The following DPP6 variants were observed in gnomAD, a reference collection of about 807,000 sequenced individuals.
DPP6 encodes A-type potassium channel modulatory protein DPP6.
A neutral mutation model predicts 122.6 loss-of-function variants in DPP6; 69 were observed. The ratio of observed to expected loss-of-function variants is 0.56; its 90% CI spans 0.46 to 0.69. DPP6 has a LOEUF of 0.69. Among genes scored for constraint, DPP6 ranks in the 30% least tolerant of loss-of-function variants. The probability of loss-of-function intolerance (pLI) is 0.00; values close to 1 mark genes in which losing one functional copy is unlikely to be tolerated. For synonymous variants in DPP6, 418 were observed against 433.1 expected (o/e 0.97, Z 0.43); for missense variants, 928 against 1,116.9 (o/e 0.83, Z 2.41).
At chr7:154,088,609 CA>C (rs774044191) in intron 1 of DPP6, among the ~76,000 whole-genome samples, 3 of 148,016 alleles carry the variant, frequency 2.0e-5, no homozygotes, top group Non-Finnish European at 3.0e-5. Context: ...AGCAGATGTG[CA>C]AAGGTCTTAC....
chr7:154,015,049 T>C (rs1055795695), intron 1 of DPP6, among the ~76,000 whole-genome samples: 9 of 152,210 alleles, frequency 5.9e-5, no homozygotes, highest in Admixed American at 1.3e-4. Context: ...ACGTACTTGC[T>C]TTAATGAAAT....
chr7:154,702,137 A>G (rs1215122303), intron 7 of DPP6, among the ~76,000 whole-genome samples: 2 of 152,372 alleles, frequency 1.3e-5, no homozygotes, highest in Middle Eastern at 3.4e-3. Flanking sequence ...TTTGGGAGCC[A>G]CTAACTGTGC....
chr7:153,910,234 C>CTTTTTTCTTTTTT (rs750065238), intron 1 of DPP6, among the ~76,000 whole-genome samples: 1 of 137,752 alleles, frequency 7.3e-6, no homozygotes, highest in Admixed American at 7.5e-5. Context: ...TTCTTTCTTT[C>CTTTTTTCTTTTTT]TTTTTTTTTT....
At chr7:154,400,536 T>C (rs546675507) in intron 1 of DPP6, among the ~76,000 whole-genome samples, 14 of 152,328 alleles carry the variant, frequency 9.2e-5, no homozygotes, top group Admixed American at 8.5e-4. Flanking sequence ...GATGCCATGA[T>C]TGACTATGTT....
At chr7:154,726,527 C>G (rs1441648085) in intron 7 of DPP6, among the ~76,000 whole-genome samples, 2 of 152,182 alleles carry the variant, frequency 1.3e-5, no homozygotes, top group Non-Finnish European at 2.9e-5. Context: ...ATGCAGGGCA[C>G]CAAGGCTGCA....
At chr7:154,517,756 T>C (rs1028484624) in intron 3 of DPP6, among the ~76,000 whole-genome samples, 1 of 152,086 alleles carries the variant, frequency 6.6e-6, no homozygotes, top group African/African-American at 2.4e-5. Flanking sequence ...ATGACAGCGG[T>C]GTTGTGTCCG....
chr7:154,646,048 A>G (rs1290721031), intron 6 of DPP6, among the ~76,000 whole-genome samples: 5 of 151,134 alleles, frequency 3.3e-5, no homozygotes, highest in Admixed American at 2.6e-4. Flanking sequence ...AAAAAAAAGA[A>G]AATACTGAGG....
upstream of DPP6, among the ~76,000 whole-genome samples, chr7:153,886,132 C>G (rs1227486510): frequency 6.6e-6 from 1 of 151,228 alleles, no homozygotes; most frequent in Non-Finnish European, 1.5e-5. Context: ...CACACACACA[C>G]ACACACACAC....
At chr7:154,643,893 T>C (rs1030639332) in intron 6 of DPP6, among the ~76,000 whole-genome samples, 1 of 152,200 alleles carries the variant, frequency 6.6e-6, no homozygotes, top group Non-Finnish European at 1.5e-5. Context: ...TACTTTTTAA[T>C]AGATGACAGG....
At chr7:154,471,811 C>T (rs1332600154) in intron 2 of DPP6, among the ~76,000 whole-genome samples, 11 of 152,208 alleles carry the variant, frequency 7.2e-5, no homozygotes, top group Non-Finnish European at 1.5e-4. Context: ...TTTGAAATAA[C>T]TATCACTATG....
At chr7:154,036,453 TG>T (rs1247828547) in intron 1 of DPP6, among the ~76,000 whole-genome samples, 1 of 147,518 alleles carries the variant, frequency 6.8e-6, no homozygotes. Context: ...TGGAAGAAAC[TG>T]AGCTTCAAAT....
At chr7:153,833,686 G>A in the DPP6 span, among the ~76,000 whole-genome samples, 1 of 150,862 alleles carries the variant, frequency 6.6e-6, no homozygotes, top group Non-Finnish European at 1.5e-5. Context: ...AAAAAAAAAA[G>A]GTGGGGGTGT....
At chr7:153,917,725 G>A in intron 1 of DPP6, among the ~76,000 whole-genome samples, 1 of 152,216 alleles carries the variant, frequency 6.6e-6, no homozygotes, top group Admixed American at 6.5e-5. Flanking sequence ...AGTGTGACAT[G>A]CGAAGGGTGG....
intron 1 of DPP6, among the ~76,000 whole-genome samples, chr7:154,389,720 A>T (rs1442199520): frequency 8.0e-5 from 3 of 37,628 alleles, no homozygotes; most frequent in East Asian, 1.3e-3. Flanking sequence ...GCATTCTGGC[A>T]GTCCTCAAAA....
At chr7:154,017,096 C>G (rs920018852) in intron 1 of DPP6, among the ~76,000 whole-genome samples, 5 of 152,176 alleles carry the variant, frequency 3.3e-5, no homozygotes, top group African/African-American at 1.2e-4. Flanking sequence ...GAGACAGGGT[C>G]TCACTCTGTC....
intron 8 of DPP6, among the ~76,000 whole-genome samples, chr7:154,738,155 A>G (rs1055260888): frequency 2.2e-4 from 33 of 152,236 alleles, no homozygotes; most frequent in African/African-American, 8.0e-4. Flanking sequence ...CGTGCCCAGC[A>G]CAGAGAATTT....
chr7:154,148,134 G>A (rs1388769044), intron 1 of DPP6, among the ~76,000 whole-genome samples: 1 of 146,758 alleles, frequency 6.8e-6, no homozygotes, highest in Admixed American at 6.7e-5. Flanking sequence ...CTTCCCTGAG[G>A]CTGTGGCCCG....
At chr7:154,049,993 C>G (rs1450772202), upstream of DPP6, among the ~76,000 whole-genome samples, 1 of 152,182 alleles carries the variant, frequency 6.6e-6, no homozygotes, top group Admixed American at 6.5e-5. Flanking sequence ...CTGGATCATC[C>G]TTGAGGAACA....
intron 16 of DPP6, among the ~76,000 whole-genome samples, chr7:154,841,534 C>T (rs940929267): frequency 1.3e-5 from 2 of 152,118 alleles, no homozygotes; most frequent in Admixed American, 1.3e-4. Context: ...TTTTACAAAT[C>T]AACTACCCAA....
Sources: gnomAD v4.1 joint callset for allele counts (sites outside exome capture counted in the v4.1 genomes callset) on GRCh38, gnomAD v4.1.1 for gene constraint, MANE v1.5 for transcripts, NCBI Gene and HGNC (gene_info 2026-07-23, HGNC 2026-07-21) for gene names.